Variants in IQSEC1 observed in about 807,000 individuals in gnomAD.
The protein encoded by IQSEC1 is IQ motif and Sec7 domain ArfGEF 1.
In IQSEC1, 31 loss-of-function variants were observed where a neutral mutation model predicts 91.0. The observed-to-expected ratio is 0.34, with a 90% CI of 0.26 to 0.46. The LOEUF (loss-of-function observed/expected upper bound fraction) is 0.46. Ranked by LOEUF, IQSEC1 falls within the 20% of genes least tolerant of loss-of-function variation. The pLI, the probability that IQSEC1 is intolerant of heterozygous loss-of-function variation, is 1.00. For missense variants in IQSEC1, 1,388 were observed against 1,575.6 expected (o/e 0.88, Z 2.02); for synonymous variants, 699 against 662.6 (o/e 1.05, Z -0.84).
At chr3:12,934,426 CA>C (rs1366086487) in intron 3 of IQSEC1, among the ~76,000 whole-genome samples, 2 of 152,306 alleles carry the variant, frequency 1.3e-5, no homozygotes, top group East Asian at 3.9e-4. Context: ...GAAGAGAGAA[CA>C]GGGGGCAGAC....
In IQSEC1 at chr3:12,900,453, A is replaced by T. The variant is rs576113021; in HGVS notation, c.*530T>A. On this transcript the variant is annotated 3_prime_UTR_variant, in exon 14 of 14. Coordinates refer to ENST00000613206, the MANE Select transcript of IQSEC1 (RefSeq NM_001134382.3). ...CACACACAAGTACTACCTATACAGTATATATATATATATATTTATATATTT... is the reference window on the plus strand; with the variant it reads ...CACACACAAGTACTACCTATACAGTTTATATATATATATATTTATATATTT... 1 of 524,548 alleles carries T rather than the reference A, an allele frequency of 1.9e-6. No homozygotes were observed. The highest frequency in any genetic ancestry group is 2.1e-5 in the African/African-American group (1 of 47,548). 32.5% of individuals were successfully genotyped at this position (524,548 alleles called of 1,614,324 possible).
At chr3:12,925,910 C>T (rs970607048) in intron 3 of IQSEC1, among the ~76,000 whole-genome samples, 3 of 152,220 alleles carry the variant, frequency 2.0e-5, no homozygotes, top group Non-Finnish European at 4.4e-5. Flanking sequence ...GCACTCCGGC[C>T]GTGTGAGCCC....
rs1366585970 is a variant in IQSEC1, at chr3:12,967,466, G to C, written c.24-25601C>G. The C allele has an allele frequency of 6.6e-7, 1 of 1,510,382 alleles. No individual in the cohort carries two copies. The highest frequency in any genetic ancestry group is 8.8e-7 in the Non-Finnish European group (1 of 1,135,238). 93.6% of individuals were successfully genotyped at this position (1,510,382 alleles called of 1,614,324 possible). On this transcript the variant is annotated intron_variant, in intron 1 of 13. Coordinates refer to ENST00000613206, the MANE Select transcript of IQSEC1 (RefSeq NM_001134382.3). This position sits in a 1 kb window ranked among gnomAD's most constrained non-coding sequence, Gnocchi z 5.9. The stretch of plus-strand genomic sequence containing the variant: ...AGGCACCACATGGCGGCCGCAGTGG[G>C]AGCGGGCCGGGCCGGGAGCCGGGAC...
At chr3:12,948,291 A>C (rs915551534) in intron 1 of IQSEC1, among the ~76,000 whole-genome samples, 3 of 152,250 alleles carry the variant, frequency 2.0e-5, no homozygotes, top group African/African-American at 7.2e-5. Context: ...CAGGAAGGGC[A>C]GACAAGCCTA....
chr3:13,033,776 T>A (rs1703932819), intron 1 of IQSEC1, among the ~76,000 whole-genome samples: 1 of 152,152 alleles, frequency 6.6e-6, no homozygotes, highest in East Asian at 1.9e-4. Flanking sequence ...TTCTGTTCAA[T>A]TCAGGCCTTT....
At chr3:13,086,699 C>T (rs945840303) in intron 2 of IQSEC1, among the ~76,000 whole-genome samples, 2 of 152,206 alleles carry the variant, frequency 1.3e-5, no homozygotes, top group African/African-American at 4.8e-5. Flanking sequence ...ATCTGCTGTT[C>T]CCTCCCTCAG....
rs776067968 is a variant in IQSEC1, at chr3:12,922,173, G to A, written c.1800C>T (p.His600=). The change falls in exon 5 of 14, where the codon CAC becomes CAT. Residue 600 remains histidine (H), a synonymous_variant. Transcript: ENST00000613206. This position sits in a 1 kb window ranked among gnomAD's most constrained non-coding sequence, Gnocchi z 5.1. ...LDEALRKFQA[H]IRVQGEAQKV... The stretch of plus-strand genomic sequence containing the variant: ...TCTGAGCCTCCCCTTGGACACGGAT[G>A]TGCGCCTGGAATTTCCTGAGGGCCT... The A allele has an allele frequency of 5.7e-5, 92 of 1,610,474 alleles. No homozygotes were observed. The highest frequency in any genetic ancestry group is 7.1e-5 in the Non-Finnish European group (84 of 1,177,804).
intron 1 of IQSEC1, among the ~76,000 whole-genome samples, chr3:13,254,778 C>T (rs1388825935): frequency 2.0e-5 from 3 of 152,220 alleles, no homozygotes; most frequent in African/African-American, 7.2e-5. Context: ...GGGCTCTCCA[C>T]AGCTCAGCTT....
intron 1 of IQSEC1, among the ~76,000 whole-genome samples, chr3:13,208,328 C>CT (rs887102834): frequency 3.9e-5 from 6 of 151,988 alleles, no homozygotes; most frequent in African/African-American, 1.5e-4. Flanking sequence ...ACACAGGGCC[C>CT]TTCCGGATCA....
In IQSEC1 at chr3:12,900,914, G is replaced by C; in HGVS notation, c.*69C>G. 2 of 1,536,482 alleles carry C rather than the reference G, an allele frequency of 1.3e-6. No individual in the cohort carries two copies. Among genetic ancestry groups the C allele is most frequent in the Non-Finnish European group, 1.7e-6 (2 of 1,146,550 alleles). ...GTGCCCCGGGTTTGGTGTGCGGCTGGCGACCCCCGGGCGTGCCCTGTGTGG... is the reference window on the plus strand; with the variant it reads ...GTGCCCCGGGTTTGGTGTGCGGCTGCCGACCCCCGGGCGTGCCCTGTGTGG... On this transcript the variant is annotated 3_prime_UTR_variant, in exon 14 of 14. Coordinates refer to ENST00000613206, the MANE Select transcript of IQSEC1 (RefSeq NM_001134382.3).
Position 12,922,377 on chromosome 3 carries a change from C to T in IQSEC1, c.1731-135G>A. On this transcript the variant is annotated intron_variant, in intron 4 of 13. Coordinates refer to ENST00000613206, the MANE Select transcript of IQSEC1 (RefSeq NM_001134382.3). The surrounding 1 kb of genome is among the most constrained non-coding windows in gnomAD (Gnocchi z 5.1). Reference sequence around the variant, plus strand: ...AGGGAGAGCCCCTGCCTGACTCCGACCAATCAGCCAAGAGCCCTCAGAATG... The same window carrying T: ...AGGGAGAGCCCCTGCCTGACTCCGATCAATCAGCCAAGAGCCCTCAGAATG... 1 of 1,108,376 alleles carries T rather than the reference C, an allele frequency of 9.0e-7. No homozygotes were observed. The highest frequency in any genetic ancestry group is 1.2e-6 in the Non-Finnish European group (1 of 819,240). The allele number at this position is 1,108,376 out of a possible 1,614,324, so 68.7% of individuals were successfully genotyped here. A position where few individuals can be genotyped will look rare whatever the true frequency, so the allele number is the denominator to read the frequency against.
intron 2 of IQSEC1, among the ~76,000 whole-genome samples, chr3:13,099,631 C>T (rs1178431212): frequency 6.6e-6 from 1 of 152,154 alleles, no homozygotes; most frequent in Non-Finnish European, 1.5e-5. Flanking sequence ...ACCTATTGCC[C>T]GGGGCTGGGG....
At chr3:12,991,312 C>G (rs1701978367) in intron 1 of IQSEC1, among the ~76,000 whole-genome samples, 2 of 152,178 alleles carry the variant, frequency 1.3e-5, no homozygotes, top group Non-Finnish European at 2.9e-5. Flanking sequence ...GGAGCCAAAG[C>G]AGGGCGAGGC....
At chr3:13,265,161 G>A (rs1357088253) in intron 1 of IQSEC1, among the ~76,000 whole-genome samples, 9 of 152,098 alleles carry the variant, frequency 5.9e-5, no homozygotes, top group South Asian at 2.1e-4. Flanking sequence ...TCCTCGGCCC[G>A]TGCAGGGCAA....
At chr3:12,927,475 G>A (rs907408697) in intron 3 of IQSEC1, among the ~76,000 whole-genome samples, 1 of 147,960 alleles carries the variant, frequency 6.8e-6, no homozygotes, top group African/African-American at 2.6e-5. Context: ...CACCCAGGCT[G>A]TCTGGTCCCT....
chr3:13,050,815 A>C (rs1559741570), intron 1 of IQSEC1, among the ~76,000 whole-genome samples: 1 of 152,240 alleles, frequency 6.6e-6, no homozygotes, highest in Non-Finnish European at 1.5e-5. Flanking sequence ...AAAGATTTGC[A>C]TGATATTCAA....
intron 2 of IQSEC1, among the ~76,000 whole-genome samples, chr3:13,147,712 A>C (rs1402025119): frequency 6.6e-6 from 1 of 152,182 alleles, no homozygotes; most frequent in Middle Eastern, 3.2e-3. Flanking sequence ...AGCTCACTGC[A>C]ACCTCCGCCT....
rs1254733637 is a variant in IQSEC1, at chr3:12,994,462, G to A, written c.24-52597C>T. ...AGCCGCTGCAGCGGATGGGTCAGGA[G>A]AGCGGGGTACGCGGGGTCCAGGCGC... On this transcript the variant is annotated intron_variant, in intron 1 of 13. Coordinates refer to ENST00000613206, the MANE Select transcript of IQSEC1 (RefSeq NM_001134382.3). This position sits in a 1 kb window ranked among gnomAD's most constrained non-coding sequence, Gnocchi z 4.5. Among the ~76,000 whole-genome samples the A allele has an allele frequency of 4.6e-5, 7 of 152,046 alleles. No homozygotes were observed. The highest frequency in any genetic ancestry group is 8.8e-5 in the Non-Finnish European group (6 of 67,978).
intron 1 of IQSEC1, among the ~76,000 whole-genome samples, chr3:13,248,078 A>T (rs1453003029): frequency 6.6e-6 from 1 of 152,144 alleles, no homozygotes; most frequent in Non-Finnish European, 1.5e-5. Flanking sequence ...GTTTGGGGGC[A>T]TCCCCCATCC....
Sources: gnomAD v4.1 joint callset for allele counts (sites outside exome capture counted in the v4.1 genomes callset) on GRCh38, gnomAD v4.1.1 for gene constraint, Gnocchi (gnomAD v3.1) non-coding constraint, MANE v1.5 for transcripts, NCBI Gene and HGNC (gene_info 2026-07-23, HGNC 2026-07-21) for gene names.